The following CILK1 variants were observed in gnomAD, a reference collection of about 807,000 sequenced individuals.
CILK1 encodes the protein serine/threonine-protein kinase ICK.
CILK1 carries 47 observed loss-of-function variants against 79.2 expected under a neutral mutation model. That is an observed-to-expected ratio of 0.59 (90% CI 0.47 to 0.76). The LOEUF (loss-of-function observed/expected upper bound fraction) is 0.76. Among genes scored for constraint, CILK1 ranks in the 30% least tolerant of loss-of-function variants. The pLI, the probability that CILK1 is intolerant of heterozygous loss-of-function variation, is 0.00. For missense variants in CILK1, 660 were observed against 769.5 expected (o/e 0.86, Z 1.68); for synonymous variants, 266 against 275.9 (o/e 0.96, Z 0.36).
chr6:53,031,691 G>A (rs888590885), intron 4 of CILK1, among the ~76,000 whole-genome samples: 1 of 152,162 alleles, frequency 6.6e-6, no homozygotes, highest in South Asian at 2.1e-4. Context: ...GAGAGGAACT[G>A]AAATAAACCT....
chr6:53,009,035 T>A (rs964214875), intron 12 of CILK1, among the ~76,000 whole-genome samples: 6 of 152,330 alleles, frequency 3.9e-5, no homozygotes, highest in African/African-American at 1.4e-4. Context: ...ATCTTGATAC[T>A]CTGGGCCTGC....
intron 1 of CILK1, among the ~76,000 whole-genome samples, chr6:53,057,140 TGATATTGCCA>T (rs1562051776): frequency 6.6e-6 from 1 of 152,244 alleles, no homozygotes; most frequent in African/African-American, 2.4e-5. Flanking sequence ...GTAACTTTCA[TGATATTGCCA>T]AATACGTATT....
At chr6:53,009,986 G>T (rs533116737) in intron 11 of CILK1, among the ~76,000 whole-genome samples, 1 of 151,952 alleles carries the variant, frequency 6.6e-6, no homozygotes, top group African/African-American at 2.4e-5. Context: ...CTTCTCACCC[G>T]ACCTGGACCA....
chr6:53,034,005 G>A (rs898865759), intron 3 of CILK1, among the ~76,000 whole-genome samples: 2 of 152,210 alleles, frequency 1.3e-5, no homozygotes, highest in African/African-American at 4.8e-5. Context: ...ACTTCTTTCG[G>A]TCGGGTTGGA....
chr6:53,008,411 T>G (rs1764364411), intron 12 of CILK1, among the ~76,000 whole-genome samples: 1 of 151,492 alleles, frequency 6.6e-6, no homozygotes, highest in African/African-American at 2.4e-5. Context: ...GCTTCATGTG[T>G]ATTTGCCAAG....
Position 53,031,061 on chromosome 6 carries a change from C to G in CILK1, c.358+4G>C, listed in dbSNP as rs371131069. The G allele has an allele frequency of 1.1e-4, 171 of 1,570,854 alleles. No individual in the cohort carries two copies. The highest frequency in any genetic ancestry group is 1.4e-4 in the Non-Finnish European group (164 of 1,140,892). On this transcript the variant is annotated splice_donor_region_variant and intron_variant, in intron 5 of 13. Transcript: ENST00000676107. ...TCAAAAGCACAACACTCCGAATCAC[C>G]TACCGTGTTTGTGAATAAATGCGAG...
Position 53,004,826 on chromosome 6 carries a change from T to G in CILK1, c.*323A>C. ...TCTGGAACCCCAAAGGAAAATCAAT[T>G]AATTTTTAAAAAGTTCATTACAAAG... On this transcript the variant is annotated 3_prime_UTR_variant, in exon 14 of 14. Coordinates refer to ENST00000676107, the MANE Select transcript of CILK1 (RefSeq NM_014920.5). 1 of 231,630 alleles carries G rather than the reference T, an allele frequency of 4.3e-6. No individual in the cohort carries two copies. Among genetic ancestry groups the G allele is most frequent in the Non-Finnish European group, 8.6e-6 (1 of 116,612 alleles). The allele number at this position is 231,630 out of a possible 1,614,324, so 14.3% of individuals were successfully genotyped here.
chr6:53,052,584 A>T (rs963199849), intron 1 of CILK1, among the ~76,000 whole-genome samples: 1 of 152,030 alleles, frequency 6.6e-6, no homozygotes, highest in African/African-American at 2.4e-5. Context: ...TACAAAAATT[A>T]ACCAGGCGTG....
intron 5 of CILK1, among the ~76,000 whole-genome samples, chr6:53,024,110 C>G (rs1000743492): frequency 6.6e-6 from 1 of 152,212 alleles, no homozygotes; most frequent in African/African-American, 2.4e-5. Context: ...CATGCATACA[C>G]GGGTTTGTAT....
chr6:53,049,946 C>A (rs1767362273), intron 1 of CILK1, among the ~76,000 whole-genome samples: 1 of 152,136 alleles, frequency 6.6e-6, no homozygotes, highest in African/African-American at 2.4e-5. Flanking sequence ...GTCTTGAACT[C>A]CTGAGTTCAA....
chr6:53,019,077 A>G (rs1765063348), intron 6 of CILK1, 150 bp downstream of exon 6: 1 of 727,906 alleles, frequency 1.4e-6, no homozygotes, highest in East Asian at 2.7e-5. Flanking sequence ...TTAACCTTGT[A>G]CATTACCAAC....
rs1764096500 is a variant in CILK1 at position 53,004,328 on chromosome 6, G to A, written c.*821C>T. On this transcript the variant is annotated 3_prime_UTR_variant, in exon 14 of 14. Coordinates refer to ENST00000676107, the MANE Select transcript of CILK1 (RefSeq NM_014920.5). ...GATTGACTGTGTTAACCTTCATGTT[G>A]AGAGCCTTTTGAAGCAGAAATCTCT... 1 of 152,212 alleles carries A rather than the reference G, an allele frequency of 6.6e-6. No individual in the cohort carries two copies. The highest frequency in any genetic ancestry group is 1.9e-4 in the East Asian group (1 of 5,204). The allele number at this position is 152,212 out of a possible 1,614,324, so 9.4% of individuals were successfully genotyped here. A position where few individuals can be genotyped will look rare whatever the true frequency, so the allele number is the denominator to read the frequency against.
chr6:53,058,011 G>A (rs77494028), intron 1 of CILK1, among the ~76,000 whole-genome samples: 306 of 152,204 alleles, frequency 2.0e-3, no homozygotes, highest in African/African-American at 7.1e-3. Flanking sequence ...AACATATGTT[G>A]GATTTGATTT....
rs74338570 is a variant in CILK1, at chr6:53,017,151, T to C, written c.664-901A>G. Among the ~76,000 whole-genome samples the C allele has an allele frequency of 2.3e-3, 352 of 152,286 alleles. 9 individuals are homozygous for C. In the East Asian group the frequency reaches 0.057, roughly 25 times the overall value. On this transcript the variant is annotated intron_variant, in intron 7 of 13. Coordinates refer to ENST00000676107, the MANE Select transcript of CILK1 (RefSeq NM_014920.5). The stretch of plus-strand genomic sequence containing the variant: ...TATGCAGAGGAGAAAGATTCCAGCA[T>C]TGGACTCAGGAAACTTTCTTGAAGA...
intron 3 of CILK1, among the ~76,000 whole-genome samples, chr6:53,037,391 A>C (rs1766418996): frequency 1.3e-5 from 2 of 151,898 alleles, no homozygotes; most frequent in African/African-American, 4.8e-5. Context: ...GGCACAAAAG[A>C]AGGACCTCAG....
chr6:53,044,764 A>T (rs1204419550), intron 1 of CILK1, among the ~76,000 whole-genome samples: 1 of 152,158 alleles, frequency 6.6e-6, no homozygotes, highest in African/African-American at 2.4e-5. Flanking sequence ...GTCTGATACA[A>T]TAGGGCTAGT....
At chr6:53,048,671 A>AG (rs2127461848) in intron 1 of CILK1, among the ~76,000 whole-genome samples, 1 of 18,162 alleles carries the variant, frequency 5.5e-5, no homozygotes, top group South Asian at 7.8e-3. Flanking sequence ...AGAAAAAAGA[A>AG]GGGACCATGG....
chr6:53,013,940 T>C lies in CILK1; in HGVS notation c.874A>G (p.Ser292Gly). ...PYFQVGHPLG[S>G]TTQNLQDSEK... is the part of the protein sequence containing the mutation. Reference sequence around the variant, plus strand: ...GAATCCTGAAGGTTTTGTGTGGTGCTGCCTAGTGGGTGTCCAACTTGGAAG... The same window carrying C: ...GAATCCTGAAGGTTTTGTGTGGTGCCGCCTAGTGGGTGTCCAACTTGGAAG... The change falls in exon 9 of 14, where the codon AGC (serine) becomes GGC (glycine). Residue 292 changes from serine to glycine, a missense_variant. By Grantham distance (56) the Ser-to-Gly change is moderately conservative. Coordinates refer to ENST00000676107, the MANE Select transcript of CILK1 (RefSeq NM_014920.5). 1 of 1,614,098 alleles carries C rather than the reference T, an allele frequency of 6.2e-7. No homozygotes were observed. Among genetic ancestry groups the C allele is most frequent in the African/African-American group, 1.3e-5 (1 of 75,014 alleles).
Position 53,032,628 on chromosome 6 carries a change from A to G in CILK1, c.183T>C (p.Asn61=), listed in dbSNP as rs1581726350. Residue 61 remains asparagine (N), a synonymous_variant, in exon 4 of 14, where the codon AAT becomes AAC. Transcript: ENST00000676107. ...TGATAACTTCTTTTAATTTGACTAC[A>G]TTGGCATGGTTGAGCTTCTTTAAAG... ...VKSLKKLNHA[N]VVKLKEVIRE... is the part of the protein sequence containing the mutation. 6.2e-7 allele frequency: 1 copy of G among 1,606,600 alleles called. No homozygotes were observed. The highest frequency in any genetic ancestry group is 8.5e-7 in the Non-Finnish European group (1 of 1,174,680).
Sources: allele counts gnomAD v4.1 joint callset (sites outside exome capture counted in the v4.1 genomes callset), GRCh38; gene constraint gnomAD v4.1.1; transcripts MANE v1.5; gene names NCBI Gene and HGNC (gene_info 2026-07-23, HGNC 2026-07-21).